The following CNTN4 variants were observed in gnomAD, a reference collection of about 807,000 sequenced individuals.
CNTN4 encodes the protein contactin 4, also known as contactin-4.
A neutral mutation model predicts 122.5 loss-of-function variants in CNTN4; 77 were observed. The observed-to-expected ratio is 0.63, with a 90% CI of 0.52 to 0.76. The LOEUF (loss-of-function observed/expected upper bound fraction) is 0.76, where lower values mean the gene tolerates loss of function less well. Ranked by LOEUF, CNTN4 falls within the 30% of genes least tolerant of loss-of-function variation. The pLI, the probability that CNTN4 is intolerant of heterozygous loss-of-function variation, is 0.00. For missense variants in CNTN4, 1,256 were observed against 1,259.1 expected, an observed-to-expected ratio of 1.00 and a Z score of 0.04; for synonymous variants, 512 against 447.0, an observed-to-expected ratio of 1.15 and a Z score of -1.83.
chr3:2,406,747 C>A lies in CNTN4; in HGVS notation c.-89+67514C>A, dbSNP rs78646946. 6.5e-3 allele frequency among the ~76,000 whole-genome samples: 983 copies of A among 152,220 alleles called. 11 individuals carry two copies. The highest frequency in any genetic ancestry group is 0.023 in the African/African-American group (940 of 41,540). ...GAGCCTGTTACAAAGTATGTGAAAT[C>A]TAACAGAGAGACAATGTAGCCTCAT... On this transcript the variant is annotated intron_variant, in intron 3 of 24. Coordinates refer to ENST00000418658, the MANE Select transcript of CNTN4 (RefSeq NM_175607.3).
At position 2,745,853 on chromosome 3, in the gene CNTN4, T is replaced by C. The variant is rs545560868; in HGVS notation, c.358+156T>C. Among the ~76,000 whole-genome samples the C allele has an allele frequency of 3.3e-5, 5 of 152,352 alleles. No individual in the cohort carries two copies. In the East Asian group the frequency reaches 9.6e-4, roughly 29 times the overall value. On this transcript the variant is annotated intron_variant, in intron 6 of 24. Coordinates refer to ENST00000418658, the MANE Select transcript of CNTN4 (RefSeq NM_175607.3). ...CACATTTTGGAAACAATTTTATTTGTAGGATAAACTGTAAATCTAAGTGAG... is the reference window on the plus strand; with the variant it reads ...CACATTTTGGAAACAATTTTATTTGCAGGATAAACTGTAAATCTAAGTGAG...
chr3:2,180,415 A>C (rs1258019593), intron 2 of CNTN4, among the ~76,000 whole-genome samples: 2 of 152,028 alleles, frequency 1.3e-5, no homozygotes, highest in African/African-American at 4.8e-5. Flanking sequence ...TGGGATTCAA[A>C]CTTGGCTATC....
At chr3:2,300,640 C>T (rs1057228999) in intron 2 of CNTN4, among the ~76,000 whole-genome samples, 4 of 135,538 alleles carry the variant, frequency 3.0e-5, no homozygotes, top group South Asian at 2.5e-4. Context: ...GGCACAGTCT[C>T]GGCTCACTGC....
At chr3:2,384,713 CAT>C (rs2046171673) in intron 3 of CNTN4, among the ~76,000 whole-genome samples, 1 of 151,946 alleles carries the variant, frequency 6.6e-6, no homozygotes, top group African/African-American at 2.4e-5. Flanking sequence ...GCAGCTCTCA[CAT>C]GTAAATTTGT....
At chr3:2,493,646 T>G (rs893206338) in intron 3 of CNTN4, among the ~76,000 whole-genome samples, 1 of 152,038 alleles carries the variant, frequency 6.6e-6, no homozygotes, top group Non-Finnish European at 1.5e-5. Context: ...CCTTTATTTC[T>G]TTGTACTTTA....
intron 3 of CNTN4, among the ~76,000 whole-genome samples, chr3:2,488,855 C>G (rs1321492193): frequency 1.3e-5 from 2 of 152,100 alleles, no homozygotes; most frequent in African/African-American, 2.4e-5. Flanking sequence ...TGAATGCTTA[C>G]AAGTGTGAAA....
intron 3 of CNTN4, among the ~76,000 whole-genome samples, chr3:2,479,445 A>G (rs1481075138): frequency 6.6e-6 from 1 of 152,232 alleles, no homozygotes; most frequent in African/African-American, 2.4e-5. Context: ...ACCATAAGTG[A>G]ACAGAATGTA....
At chr3:2,214,486 C>T (rs1467597103) in intron 2 of CNTN4, among the ~76,000 whole-genome samples, 1 of 152,098 alleles carries the variant, frequency 6.6e-6, no homozygotes, top group African/African-American at 2.4e-5. Context: ...TCCATGCCTC[C>T]ATCTTTCTTT....
chr3:2,779,612 C>G (rs1472626501), intron 6 of CNTN4, among the ~76,000 whole-genome samples: 1 of 152,222 alleles, frequency 6.6e-6, no homozygotes, highest in Non-Finnish European at 1.5e-5. Context: ...AGCTCTATCA[C>G]TTACTAGATG....
chr3:2,450,575 T>A (rs919445880), intron 3 of CNTN4, among the ~76,000 whole-genome samples: 5 of 151,900 alleles, frequency 3.3e-5, no homozygotes, highest in African/African-American at 2.4e-5. Context: ...TCCTTGGAGG[T>A]GTAAAGGTTT....
chr3:2,803,558 C>CTTTT (rs34822164), intron 6 of CNTN4, among the ~76,000 whole-genome samples: 2 of 140,708 alleles, frequency 1.4e-5, no homozygotes, highest in African/African-American at 2.6e-5. Context: ...GTGGTAAATT[C>CTTTT]TTTTTTTTTT....
intron 13 of CNTN4, among the ~76,000 whole-genome samples, chr3:2,957,964 T>A (rs1405450278): frequency 2.6e-5 from 4 of 152,200 alleles, no homozygotes; most frequent in Admixed American, 2.6e-4. Flanking sequence ...AGTAATGGGA[T>A]TCCTGGGTTG....
At chr3:2,753,202 A>C (rs945298046) in intron 6 of CNTN4, among the ~76,000 whole-genome samples, 5 of 152,190 alleles carry the variant, frequency 3.3e-5, no homozygotes, top group African/African-American at 1.2e-4. Context: ...TGATAAGAGC[A>C]CAAGCCCTGG....
intron 2 of CNTN4, among the ~76,000 whole-genome samples, chr3:2,135,315 G>A (rs369788954): frequency 1.3e-5 from 2 of 152,224 alleles, no homozygotes; most frequent in African/African-American, 4.8e-5. Flanking sequence ...TTCATCAGGT[G>A]TTATTTTTCC....
intron 2 of CNTN4, among the ~76,000 whole-genome samples, chr3:2,122,018 T>C (rs1013827192): frequency 1.2e-4 from 16 of 131,172 alleles, no homozygotes; most frequent in Non-Finnish European, 1.5e-4. Flanking sequence ...TAGCCGGGCG[T>C]GGTGGCGGCG....
intron 7 of CNTN4, among the ~76,000 whole-genome samples, chr3:2,862,965 A>T (rs187462540): frequency 6.6e-6 from 1 of 152,338 alleles, no homozygotes; most frequent in East Asian, 1.9e-4. Context: ...AATGAGAGTT[A>T]AGCTAGAACG....
chr3:2,683,645 G>GA (rs35070950), intron 4 of CNTN4, among the ~76,000 whole-genome samples: 68,712 of 150,052 alleles, frequency 0.46, 17,211 homozygotes, highest in African/African-American at 0.68. Context: ...TTGTTTATCA[G>GA]AAAAAAAAAA....
intron 2 of CNTN4, among the ~76,000 whole-genome samples, chr3:2,192,996 T>G (rs1182431156): frequency 6.6e-6 from 1 of 152,126 alleles, no homozygotes; most frequent in Non-Finnish European, 1.5e-5. Context: ...AGTACTGCCT[T>G]TTGCCCTCTC....
chr3:3,043,257 C>A, intron 22 of CNTN4, 94 bp downstream of exon 22: 1 of 1,190,440 alleles, frequency 8.4e-7, no homozygotes, highest in East Asian at 2.4e-5. Context: ...CATTTGCATA[C>A]TAATTAGTAG....
Sources: allele counts gnomAD v4.1 joint callset (sites outside exome capture counted in the v4.1 genomes callset), GRCh38; gene constraint gnomAD v4.1.1; transcripts MANE v1.5; gene names NCBI Gene and HGNC (gene_info 2026-07-23, HGNC 2026-07-21).